The following EHHADH variants were observed in gnomAD, a reference collection of about 807,000 sequenced individuals.
EHHADH encodes the protein enoyl-CoA hydratase and 3-hydroxyacyl CoA dehydrogenase.
A neutral mutation model predicts 64.4 loss-of-function variants in EHHADH; 48 were observed. The observed-to-expected ratio is 0.75, with a 90% CI of 0.59 to 0.95. The LOEUF (loss-of-function observed/expected upper bound fraction) is 0.95. EHHADH is among the 40% of genes least tolerant of loss of function. EHHADH has a pLI of 0.00. For missense variants in EHHADH, 854 were observed against 876.6 expected (o/e 0.97, Z 0.33); for synonymous variants, 308 against 326.7 (o/e 0.94, Z 0.62).
chr3:185,207,067 T>A (rs542547581), intron 5 of EHHADH, among the ~76,000 whole-genome samples: 66 of 152,162 alleles, frequency 4.3e-4, no homozygotes, highest in Non-Finnish European at 7.9e-4. Context: ...GTGGGCAGAT[T>A]GCTTTGAGCT....
chr3:185,227,502 C>T (rs948124118), intron 4 of EHHADH, among the ~76,000 whole-genome samples: 6 of 146,524 alleles, frequency 4.1e-5, no homozygotes, highest in East Asian at 2.0e-4. Context: ...ATTGCATCCC[C>T]GTCTGGGCAA....
intron 2 of EHHADH, among the ~76,000 whole-genome samples, chr3:185,241,616 A>G (rs1389559287): frequency 6.6e-6 from 1 of 151,946 alleles, no homozygotes; most frequent in African/African-American, 2.4e-5. Context: ...AGAATTGTCT[A>G]TTCATGTCCT....
In EHHADH at chr3:185,193,176, T is replaced by C. The variant is rs1717954403; in HGVS notation, c.1222A>G (p.Thr408Ala). The C allele has an allele frequency of 6.2e-7, 1 of 1,612,888 alleles. No individual in the cohort carries two copies. The highest frequency in any genetic ancestry group is 8.5e-7 in the Non-Finnish European group (1 of 1,179,612). ...AVCKPEAFLCTNTSALDVDEI... is the reference protein window; with the variant it reads ...AVCKPEAFLCANTSALDVDEI... ...TCAACATCCAGGGCTGAAGTATTAGTGCACAAAAATGCTTCTGGTTTGCAC... is the reference window on the plus strand; with the variant it reads ...TCAACATCCAGGGCTGAAGTATTAGCGCACAAAAATGCTTCTGGTTTGCAC... Residue 408 changes from threonine to alanine, a missense_variant, in exon 7 of 7, where the codon ACT becomes GCT. Transcript: ENST00000231887.
Position 185,191,472 on chromosome 3 carries a change from C to T in EHHADH, c.*754G>A, listed in dbSNP as rs1717866331. On this transcript the variant is annotated 3_prime_UTR_variant, in exon 7 of 7. Transcript: ENST00000231887. ...AAAAGTAAAAAGAGAAGAACTCTTA[C>T]AACAAAATCATACAAAATATGTTTT... The T allele has an allele frequency of 6.6e-6, 1 of 152,124 alleles. No homozygotes were observed. Among genetic ancestry groups the T allele is most frequent in the Non-Finnish European group, 1.5e-5 (1 of 68,010 alleles). 9.4% of individuals were successfully genotyped at this position (152,124 alleles called of 1,614,324 possible). A position where few individuals can be genotyped will look rare whatever the true frequency, so the allele number is the denominator to read the frequency against.
At chr3:185,251,573 G>A (rs1439828898) in intron 1 of EHHADH, among the ~76,000 whole-genome samples, 2 of 151,404 alleles carry the variant, frequency 1.3e-5, no homozygotes, top group Non-Finnish European at 2.9e-5. Flanking sequence ...TAGCAATGAA[G>A]GATTTAAACT....
chr3:185,206,684 T>C (rs751729265), intron 5 of EHHADH, among the ~76,000 whole-genome samples: 8 of 151,690 alleles, frequency 5.3e-5, no homozygotes, highest in Non-Finnish European at 1.2e-4. Context: ...AAAAATTAGC[T>C]GGACATGGTG....
Position 185,193,051 on chromosome 3 carries a change from T to C in EHHADH, c.1347A>G (p.Gln449=). The C allele has an allele frequency of 6.2e-7, 1 of 1,614,222 alleles. No individual in the cohort carries two copies. The highest frequency in any genetic ancestry group is 2.2e-5 in the East Asian group (1 of 44,888). ...VMKLLEVIPS[Q]YSSPTTIATV... ...TGGCAATGGTAGTGGGGGAAGAGTA[T>C]TGGCTGGGAATAACCTCTAACAACT... is the stretch of plus-strand genomic sequence containing the variant. Residue 449 remains glutamine (Q), a synonymous_variant, in exon 7 of 7, where the codon CAA becomes CAG. Coordinates refer to ENST00000231887, the MANE Select transcript of EHHADH (RefSeq NM_001966.4).
chr3:185,215,411 T>C lies in EHHADH; in HGVS notation c.568+2725A>G, dbSNP rs558978308. On this transcript the variant is annotated intron_variant, in intron 5 of 6. Coordinates refer to ENST00000231887, the MANE Select transcript of EHHADH (RefSeq NM_001966.4). ...AAATAAAGCCAGCCACAGAAGACTATATACTACTGCATGATTTCATCCATA... is the reference window on the plus strand; with the variant it reads ...AAATAAAGCCAGCCACAGAAGACTACATACTACTGCATGATTTCATCCATA... Among the ~76,000 whole-genome samples, 11 of 152,216 alleles carry C rather than the reference T, an allele frequency of 7.2e-5. No individual in the cohort carries two copies. In the South Asian group the frequency reaches 2.3e-3, roughly 32 times the overall value.
At chr3:185,200,649 C>T (rs1478893601) in intron 6 of EHHADH, among the ~76,000 whole-genome samples, 1 of 152,166 alleles carries the variant, frequency 6.6e-6, no homozygotes, top group Non-Finnish European at 1.5e-5. Flanking sequence ...TTTTGACTGC[C>T]ATGGAATTGA....
chr3:185,233,804 C>A (rs1359342313), intron 3 of EHHADH, among the ~76,000 whole-genome samples: 1 of 152,096 alleles, frequency 6.6e-6, no homozygotes, highest in Non-Finnish European at 1.5e-5. Context: ...TGCCAGCATG[C>A]CCAGCTAATT....
In EHHADH at chr3:185,192,741, T is replaced by C; in HGVS notation, c.1657A>G (p.Arg553Gly). ...ATTGGGCAGTACCTCCTATTACCCCTTTTTCGGGCAGGAGTTCCTGGAAGC... is the reference window on the plus strand; with the variant it reads ...ATTGGGCAGTACCTCCTATTACCCCCTTTTCGGGCAGGAGTTCCTGGAAGC... ...TLLPGTPARKRGNRRYCPIPD... is the reference protein window; with the variant it reads ...TLLPGTPARKGGNRRYCPIPD... The change falls in exon 7 of 7, where the codon AGG becomes GGG. Residue 553 changes from arginine to glycine, a missense_variant. Coordinates refer to ENST00000231887, the MANE Select transcript of EHHADH (RefSeq NM_001966.4). The C allele has an allele frequency of 6.2e-7, 1 of 1,613,980 alleles. No individual in the cohort carries two copies. The highest frequency in any genetic ancestry group is 1.3e-5 in the African/African-American group (1 of 75,014).
At chr3:185,199,051 CT>C (rs1034208561) in intron 6 of EHHADH, among the ~76,000 whole-genome samples, 12 of 152,006 alleles carry the variant, frequency 7.9e-5, no homozygotes, top group Non-Finnish European at 1.6e-4. Flanking sequence ...GTTCAAATTT[CT>C]TTGATTCAAA....
intron 3 of EHHADH, among the ~76,000 whole-genome samples, chr3:185,234,413 T>G (rs557756626): frequency 9.8e-5 from 15 of 152,372 alleles, no homozygotes; most frequent in African/African-American, 3.4e-4. Context: ...ATACTCATAC[T>G]GCATGAGCAC....
At chr3:185,253,782 G>GAA (rs1459906021) in intron 1 of EHHADH, 167 bp downstream of exon 1, 2 of 1,273,558 alleles carry the variant, frequency 1.6e-6, no homozygotes, top group Non-Finnish European at 2.0e-6. Context: ...AAAAAGAAAA[G>GAA]AAAAAGAAAG....
intron 5 of EHHADH, among the ~76,000 whole-genome samples, chr3:185,213,947 T>C (rs1201212297): frequency 6.7e-6 from 1 of 150,226 alleles, no homozygotes; most frequent in African/African-American, 2.4e-5. Context: ...AAAGAAAAGA[T>C]AGGCACAATA....
At position 185,204,461 on chromosome 3, in the gene EHHADH, ACG is replaced by A. The variant is rs1718324528; in HGVS notation, c.863_864del (p.Ser288LeufsTer92). On this transcript the variant is annotated frameshift_variant, in exon 6 of 7. Coordinates refer to ENST00000231887, the MANE Select transcript of EHHADH (RefSeq NM_001966.4). LOFTEE classifies it high-confidence loss of function. ...ACAGGCCGCGCTGATGCTGTTTTCCACGATGCTCCGGAGGGAGTTGACCACTT... is the reference window on the plus strand; with the variant it reads ...ACAGGCCGCGCTGATGCTGTTTTCCAATGCTCCGGAGGGAGTTGACCACTT... ...ANKWSTPSGA[S>X]WKTASARPVS... The A allele has an allele frequency of 6.2e-7, 1 of 1,613,386 alleles. No individual in the cohort carries two copies.
rs116016870 is a variant in EHHADH at position 185,214,130 on chromosome 3, G to A, written c.568+4006C>T. On this transcript the variant is annotated intron_variant, in intron 5 of 6. Transcript: ENST00000231887. Reference sequence around the variant, plus strand: ...ACAAAGCAGCACCAAGAAATCATAGGATTTCAAACAGTGGAACTCATTTAA... The same window carrying A: ...ACAAAGCAGCACCAAGAAATCATAGAATTTCAAACAGTGGAACTCATTTAA... Among the ~76,000 whole-genome samples the A allele has an allele frequency of 6.0e-3, 910 of 152,126 alleles. 8 individuals carry two copies. The highest frequency in any genetic ancestry group is 0.014 in the Middle Eastern group (4 of 294).
chr3:185,228,064 A>G (rs1719035968), intron 4 of EHHADH, among the ~76,000 whole-genome samples: 1 of 149,454 alleles, frequency 6.7e-6, no homozygotes, highest in South Asian at 2.1e-4. Context: ...ATTGTTGCAT[A>G]TGTTCTTTCT....
In EHHADH at chr3:185,192,460, A is replaced by C. The variant is rs140527463; in HGVS notation, c.1938T>G (p.Ile646Met). The change falls in exon 7 of 7, where the codon ATT becomes ATG. Residue 646 changes from isoleucine to methionine, a missense_variant. Transcript: ENST00000231887. ...GEGIAASPEH[I>M]DVVYLHGYGW... ...CATATCCATGTAAATAGACAACATC[A>C]ATGTGCTCTGGGCTAGCAGCTATCC... The C allele has an allele frequency of 2.8e-4, 459 of 1,614,096 alleles. 2 individuals are homozygous for C. The highest frequency in any genetic ancestry group is 9.9e-4 in the South Asian group (90 of 91,084).
Sources: gnomAD v4.1 joint callset for allele counts (sites outside exome capture counted in the v4.1 genomes callset) on GRCh38, gnomAD v4.1.1 for gene constraint, MANE v1.5 for transcripts, NCBI Gene and HGNC (gene_info 2026-07-23, HGNC 2026-07-21) for gene names.